SYCP2L: variants seen among roughly 807,000 people sequenced by gnomAD.
SYCP2L encodes synaptonemal complex protein 2 like.
Under a neutral mutation model 125.8 loss-of-function variants are expected in SYCP2L, and 98 were observed. The observed-to-expected ratio is 0.78, with a 90% CI of 0.66 to 0.92. The LOEUF (loss-of-function observed/expected upper bound fraction) is 0.92. Ranked by LOEUF, SYCP2L falls within the 40% of genes least tolerant of loss-of-function variation. SYCP2L has a pLI of 0.00. For missense variants in SYCP2L, 842 were observed against 936.4 expected, an observed-to-expected ratio of 0.90 and a Z score of 1.32; for synonymous variants, 317 against 325.4, an observed-to-expected ratio of 0.97 and a Z score of 0.28.
chr6:10,970,939 T>C (rs1251962510), intron 29 of SYCP2L, among the ~76,000 whole-genome samples: 1 of 151,876 alleles, frequency 6.6e-6, no homozygotes, highest in East Asian at 1.9e-4. Flanking sequence ...AATGAGATAA[T>C]CGGGCCATCA....
chr6:10,946,002 T>C (rs1781309532), intron 23 of SYCP2L, among the ~76,000 whole-genome samples: 1 of 152,120 alleles, frequency 6.6e-6, no homozygotes, highest in African/African-American at 2.4e-5. Flanking sequence ...CATAATGTTA[T>C]ATATATAACT....
chr6:10,895,134 C>G (rs190072572), intron 4 of SYCP2L, among the ~76,000 whole-genome samples: 1 of 152,256 alleles, frequency 6.6e-6, no homozygotes, highest in Non-Finnish European at 1.5e-5. Context: ...CTGCATATAA[C>G]CCCACTTGAC....
chr6:10,955,608 C>T (rs899989668), intron 24 of SYCP2L, among the ~76,000 whole-genome samples: 1 of 152,102 alleles, frequency 6.6e-6, no homozygotes, highest in African/African-American at 2.4e-5. Flanking sequence ...ACAAATGGTA[C>T]CATGCATTTT....
chr6:10,927,228 T>C lies in SYCP2L; in HGVS notation c.1313-12T>C. 6.2e-7 allele frequency: 1 copy of C among 1,613,508 alleles called. No homozygotes were observed. Among genetic ancestry groups the C allele is most frequent in the Non-Finnish European group, 8.5e-7 (1 of 1,179,826 alleles). ...ACGGTTATTATATTAGTCTTTTTCTTAATTTGTATAGAGCAGGCAGAAGAA... is the reference window on the plus strand; with the variant it reads ...ACGGTTATTATATTAGTCTTTTTCTCAATTTGTATAGAGCAGGCAGAAGAA... On this transcript the variant is annotated splice_polypyrimidine_tract_variant and intron_variant, in intron 16 of 29. Coordinates refer to ENST00000283141, the MANE Select transcript of SYCP2L (RefSeq NM_001040274.3).
intron 20 of SYCP2L, 34 bp from the exon 21 acceptor site, chr6:10,935,020 TATGA>T: frequency 6.6e-7 from 1 of 1,511,990 alleles, no homozygotes; most frequent in Non-Finnish European, 8.9e-7. Context: ...TGTTTTTAAT[TATGA>T]ATGTTAACAC....
intron 4 of SYCP2L, among the ~76,000 whole-genome samples, chr6:10,896,958 T>C (rs1402427948): frequency 6.6e-6 from 1 of 152,226 alleles, no homozygotes; most frequent in East Asian, 1.9e-4. Flanking sequence ...GCCTGACTCC[T>C]GCAAGAGTTG....
intron 29 of SYCP2L, among the ~76,000 whole-genome samples, chr6:10,967,716 A>G (rs2113430520): frequency 6.6e-6 from 1 of 152,350 alleles, no homozygotes; most frequent in South Asian, 2.1e-4. Context: ...AACTAGGGAT[A>G]GAATGTCTGC....
intron 19 of SYCP2L, 138 bp downstream of exon 19, chr6:10,930,652 C>G: frequency 1.1e-6 from 1 of 939,650 alleles, no homozygotes; most frequent in Non-Finnish European, 1.6e-6. Flanking sequence ...TACAGTTACA[C>G]TGGAAAGGCA....
chr6:10,910,169 C>T lies in SYCP2L; in HGVS notation c.841C>T (p.His281Tyr). ...FETDSRRFLNHLNNRLGDQRR... is the reference protein window; with the variant it reads ...FETDSRRFLNYLNNRLGDQRR... ...GAAGGACAGTAGACGTTTTCTCAAT[C>T]ACCTAAACAACAGACTTGGTGACCA... The change falls in exon 11 of 30, where the codon CAC becomes TAC. Residue 281 changes from histidine to tyrosine, a missense_variant. Physicochemically the swap from His to Tyr is moderately conservative, Grantham distance 83. Coordinates refer to ENST00000283141, the MANE Select transcript of SYCP2L (RefSeq NM_001040274.3). 1 of 1,613,692 alleles carries T rather than the reference C, an allele frequency of 6.2e-7. No individual in the cohort carries two copies. The highest frequency in any genetic ancestry group is 8.5e-7 in the Non-Finnish European group (1 of 1,179,848).
In SYCP2L at chr6:10,927,293, C is replaced by T. The variant is rs747296469; in HGVS notation, c.1366C>T (p.Arg456Cys). 2.0e-5 allele frequency: 33 copies of T among 1,613,988 alleles called. No individual in the cohort carries two copies. Among genetic ancestry groups the T allele is most frequent in the East Asian group, 8.9e-5 (4 of 44,886 alleles). Residue 456 changes from arginine to cysteine, a missense_variant, in exon 17 of 30, where the codon CGC (arginine) becomes TGC (cysteine). Arg to Cys is a radical substitution (Grantham distance 180). Coordinates refer to ENST00000283141, the MANE Select transcript of SYCP2L (RefSeq NM_001040274.3). ...GGAGTTTATGAGTGCTGAAGATGAC[C>T]GCTGCCTAATAACTCTCCACTTAAA... ...MVEFMSAEDD[R>C]CLITLHLNDQ...
chr6:10,887,198 G>A (rs1581811051), intron 1 of SYCP2L, 63 bp downstream of exon 1: 6 of 1,607,276 alleles, frequency 3.7e-6, no homozygotes, highest in Non-Finnish European at 5.1e-6. Context: ...GAGGGCGCGG[G>A]GTCCCTGGGG....
chr6:10,935,385 T>C (rs542692991), intron 21 of SYCP2L, among the ~76,000 whole-genome samples, 198 bp downstream of exon 21: 1 of 152,240 alleles, frequency 6.6e-6, no homozygotes, highest in Non-Finnish European at 1.5e-5. Flanking sequence ...GAGATCATCT[T>C]GTACCCAAGA....
chr6:10,929,363 T>C (rs1049301406), intron 18 of SYCP2L, among the ~76,000 whole-genome samples: 1 of 152,118 alleles, frequency 6.6e-6, no homozygotes, highest in African/African-American at 2.4e-5. Context: ...TATTAGCAGC[T>C]GAATGCTACA....
intron 14 of SYCP2L, 28 bp from the exon 15 acceptor site, chr6:10,924,468 T>G: frequency 6.6e-7 from 1 of 1,520,374 alleles, no homozygotes; most frequent in South Asian, 1.3e-5. Context: ...TATGTTGCTA[T>G]GCATTGATAT....
chr6:10,969,086 A>G (rs1253391460), intron 29 of SYCP2L, among the ~76,000 whole-genome samples: 2 of 152,210 alleles, frequency 1.3e-5, no homozygotes, highest in African/African-American at 2.4e-5. Context: ...GCATTTAATA[A>G]TAGGGCTTTT....
intron 9 of SYCP2L, 62 bp downstream of exon 9, chr6:10,906,116 A>G: frequency 2.1e-6 from 2 of 967,316 alleles, no homozygotes; most frequent in South Asian, 1.4e-5. Flanking sequence ...GGGTTTTATG[A>G]GCATCTTGGG....
At position 10,935,181 on chromosome 6, in the gene SYCP2L, A is replaced by AAAACAGGT; in HGVS notation, c.1809_1813+3dup. The AAAACAGGT allele has an allele frequency of 6.2e-7, 1 of 1,611,784 alleles. No individual in the cohort carries two copies. Among genetic ancestry groups the AAAACAGGT allele is most frequent in the Non-Finnish European group, 8.5e-7 (1 of 1,179,392 alleles). On this transcript the variant is annotated frameshift_variant, in exon 21 of 30. Transcript: ENST00000283141. LOFTEE classifies it high-confidence loss of function. ...TTTGACTGCTGAAGATTCTGCCCAGAAAACAGGTACATGATTTTCTGTTGA... is the reference window on the plus strand; with the variant it reads ...TTTGACTGCTGAAGATTCTGCCCAGAAAACAGGTAAACAGGTACATGATTTTCTGTTGA...
At position 10,954,064 on chromosome 6, in the gene SYCP2L, G is replaced by T. The variant is rs957537318; in HGVS notation, c.1955-1052G>T. Among the ~76,000 whole-genome samples, 3 of 152,160 alleles carry T rather than the reference G, an allele frequency of 2.0e-5. No individual in the cohort carries two copies. The highest frequency in any genetic ancestry group is 2.4e-5 in the African/African-American group (1 of 41,438). ...CTTTACCTCTCACTATCTGCCAGCCGCATCGCCCTGCCTCTCGCACATAGT... is the reference window on the plus strand; with the variant it reads ...CTTTACCTCTCACTATCTGCCAGCCTCATCGCCCTGCCTCTCGCACATAGT... On this transcript the variant is annotated intron_variant, in intron 23 of 29. Coordinates refer to ENST00000283141, the MANE Select transcript of SYCP2L (RefSeq NM_001040274.3). This position sits in a 1 kb window ranked among gnomAD's most constrained non-coding sequence, Gnocchi z 4.8.
chr6:10,910,000 C>T (rs915138002), intron 10 of SYCP2L, 148 bp from the exon 11 acceptor site: 3 of 614,788 alleles, frequency 4.9e-6, no homozygotes, highest in African/African-American at 1.9e-5. Context: ...GTATTGTTAA[C>T]ATATAATAAC....
Sources: allele counts gnomAD v4.1 joint callset (sites outside exome capture counted in the v4.1 genomes callset), GRCh38; gene constraint gnomAD v4.1.1; non-coding constraint Gnocchi (gnomAD v3.1); transcripts MANE v1.5; gene names NCBI Gene and HGNC (gene_info 2026-07-23, HGNC 2026-07-21).